COL19A1: variants seen among roughly 807,000 people sequenced by gnomAD.
COL19A1 encodes the protein collagen type XIX alpha 1 chain.
COL19A1 carries 159 observed loss-of-function variants against 190.2 expected under a neutral mutation model. That is an observed-to-expected ratio of 0.84 (90% confidence interval 0.73 to 0.95). COL19A1 has a LOEUF of 0.95. Ranked by LOEUF, COL19A1 falls within the 40% of genes least tolerant of loss-of-function variation. COL19A1 has a pLI of 0.00. For missense variants in COL19A1, 1,418 were observed against 1,431.9 expected, an observed-to-expected ratio of 0.99 and a Z score of 0.16; for synonymous variants, 509 against 458.9, an observed-to-expected ratio of 1.11 and a Z score of -1.39.
chr6:70,079,518 G>A (rs112149189), intron 15 of COL19A1, among the ~76,000 whole-genome samples: 2 of 152,280 alleles, frequency 1.3e-5, no homozygotes, highest in African/African-American at 4.8e-5. Context: ...CTATATATAG[G>A]AATGGGGTGG....
At chr6:69,904,925 C>T (rs114419113) in intron 4 of COL19A1, among the ~76,000 whole-genome samples, 3,454 of 152,050 alleles carry the variant, frequency 0.023, 130 homozygotes, top group African/African-American at 0.077. Context: ...TCAGAAATGC[C>T]CATCCAACTC....
intron 16 of COL19A1, among the ~76,000 whole-genome samples, chr6:70,121,619 A>G (rs1386666600): frequency 6.6e-6 from 1 of 152,138 alleles, no homozygotes; most frequent in African/African-American, 2.4e-5. Context: ...GAATATGCTG[A>G]GGGCTGACCT....
chr6:70,199,730 C>G lies in COL19A1; in HGVS notation c.3217C>G (p.Pro1073Ala). The part of the protein sequence containing the change: ...GLPGPPGDPG[P>A]QGYRGQKGER... ...GCCTGGGCCACCAGGAGACCCTGGA[C>G]CCCAAGGTAAGTCTTCAAGTGTAAT... Residue 1073 changes from proline to alanine, a missense_variant, in exon 49 of 51, where the codon CCC (proline) becomes GCC (alanine). Physicochemically the swap from Pro to Ala is conservative, Grantham distance 27 (BLOSUM62 -1). Transcript: ENST00000620364. The G allele has an allele frequency of 3.1e-6, 5 of 1,606,712 alleles. No homozygotes were observed. The highest frequency in any genetic ancestry group is 4.3e-6 in the Non-Finnish European group (5 of 1,176,388).
chr6:70,206,634 CAAAAAA>C (rs34634051), intron 49 of COL19A1, among the ~76,000 whole-genome samples: 4 of 101,934 alleles, frequency 3.9e-5, no homozygotes, highest in African/African-American at 1.6e-4. Flanking sequence ...GACTCTGTCT[CAAAAAA>C]AAAAAAAAAA....
At chr6:70,110,564 C>T (rs1294121178) in intron 16 of COL19A1, among the ~76,000 whole-genome samples, 2 of 152,130 alleles carry the variant, frequency 1.3e-5, no homozygotes. Flanking sequence ...CCAGACAAAA[C>T]AGCTGTTCCC....
chr6:69,971,823 C>A (rs1775444463), intron 11 of COL19A1, among the ~76,000 whole-genome samples: 1 of 152,196 alleles, frequency 6.6e-6, no homozygotes, highest in Non-Finnish European at 1.5e-5. Context: ...TGTCACCAAA[C>A]CGTAATCATT....
intron 41 of COL19A1, among the ~76,000 whole-genome samples, chr6:70,173,057 T>C (rs981214852): frequency 1.3e-5 from 2 of 152,330 alleles, no homozygotes; most frequent in African/African-American, 2.4e-5. Context: ...ACTTCAGTTT[T>C]ATGACCTGAG....
chr6:70,009,151 C>T (rs1324542610), intron 11 of COL19A1, among the ~76,000 whole-genome samples: 3 of 151,730 alleles, frequency 2.0e-5, no homozygotes, highest in Admixed American at 6.6e-5. Flanking sequence ...AGGTTCTAGC[C>T]AGTGTAATAC....
chr6:70,193,555 C>T (rs1767009196), intron 48 of COL19A1, among the ~76,000 whole-genome samples: 1 of 152,166 alleles, frequency 6.6e-6, no homozygotes, highest in Non-Finnish European at 1.5e-5. Context: ...AGGTGAGTGG[C>T]TGGACCCCCA....
chr6:70,114,877 A>T (rs1784474473), intron 16 of COL19A1, among the ~76,000 whole-genome samples: 1 of 152,168 alleles, frequency 6.6e-6, no homozygotes. Flanking sequence ...ATCTCTTTTA[A>T]ATTGAGAGCA....
intron 5 of COL19A1, 79 bp from the exon 6 acceptor site, chr6:69,929,346 C>A: frequency 7.1e-7 from 1 of 1,401,598 alleles, no homozygotes. Flanking sequence ...TAATATGCAT[C>A]TTGAGCTTTT....
chr6:70,024,614 T>G (rs1245662886), intron 12 of COL19A1, among the ~76,000 whole-genome samples: 1 of 142,132 alleles, frequency 7.0e-6, no homozygotes, highest in African/African-American at 2.6e-5. Context: ...TGTGTGTGTG[T>G]GGGTGTGTGG....
At chr6:70,126,788 A>G (rs1378394455) in intron 17 of COL19A1, among the ~76,000 whole-genome samples, 1 of 152,160 alleles carries the variant, frequency 6.6e-6, no homozygotes, top group Non-Finnish European at 1.5e-5. Context: ...CGTTATCTCC[A>G]AAGGCACTAG....
Position 69,982,348 on chromosome 6 carries a change from TTCCTGCCTCAGCC to T in COL19A1, c.1026+19482_1026+19494del, listed in dbSNP as rs367888107. Among the ~76,000 whole-genome samples, 1,222 of 151,836 alleles carry T rather than the reference TTCCTGCCTCAGCC, an allele frequency of 8.0e-3. 13 individuals carry two copies. The highest frequency in any genetic ancestry group is 0.028 in the African/African-American group (1,140 of 41,428). Reference sequence around the variant, plus strand: ...CCTCCGCCTCCCAGGTCAAGCGATTTTCCTGCCTCAGCCTCCCCAGTAGCTAGGATTACAGGCA... The same window carrying T: ...CCTCCGCCTCCCAGGTCAAGCGATTTTCCCCAGTAGCTAGGATTACAGGCA... On this transcript the variant is annotated intron_variant, in intron 11 of 50. Transcript: ENST00000620364.
intron 14 of COL19A1, among the ~76,000 whole-genome samples, chr6:70,036,736 A>G (rs911125756): frequency 2.0e-5 from 3 of 152,120 alleles, no homozygotes; most frequent in Non-Finnish European, 4.4e-5. Flanking sequence ...ACCTAGTGAG[A>G]TAAATTAAGC....
chr6:70,133,137 CAAAG>C (rs1283980624), intron 18 of COL19A1, among the ~76,000 whole-genome samples: 1 of 152,094 alleles, frequency 6.6e-6, no homozygotes, highest in Non-Finnish European at 1.5e-5. Context: ...ATAATTTTGA[CAAAG>C]AAGGGACTCA....
chr6:70,205,691 A>G (rs995383839), intron 49 of COL19A1, among the ~76,000 whole-genome samples: 1 of 152,250 alleles, frequency 6.6e-6, no homozygotes, highest in Non-Finnish European at 1.5e-5. Flanking sequence ...ATGGGTGCCA[A>G]TATATAAAAT....
intron 4 of COL19A1, among the ~76,000 whole-genome samples, chr6:69,907,036 G>T: frequency 6.6e-6 from 1 of 150,732 alleles, no homozygotes; most frequent in South Asian, 2.1e-4. Flanking sequence ...TTCTATTGTT[G>T]AATGATTTAT....
intron 4 of COL19A1, among the ~76,000 whole-genome samples, chr6:69,902,001 T>C (rs995796479): frequency 1.3e-5 from 2 of 152,220 alleles, no homozygotes; most frequent in South Asian, 4.1e-4. Flanking sequence ...TTTCTGAATT[T>C]TGGGTTCTAA....
Sources: allele counts gnomAD v4.1 joint callset (sites outside exome capture counted in the v4.1 genomes callset), GRCh38; gene constraint gnomAD v4.1.1; transcripts MANE v1.5; gene names NCBI Gene and HGNC (gene_info 2026-07-23, HGNC 2026-07-21).